Variants in RASGRF1 observed in about 807,000 individuals in gnomAD.
RASGRF1 encodes the protein ras-specific guanine nucleotide-releasing factor 1.
Under a neutral mutation model 138.7 loss-of-function variants are expected in RASGRF1, and 40 were observed. The observed-to-expected ratio is 0.29, with a 90% CI of 0.22 to 0.38. The LOEUF (loss-of-function observed/expected upper bound fraction) is 0.38, where lower values mean the gene tolerates loss of function less well. Among genes scored for constraint, RASGRF1 ranks in the 10% least tolerant of loss-of-function variants. The pLI, the probability that RASGRF1 is intolerant of heterozygous loss-of-function variation, is 1.00. For missense variants in RASGRF1, 1,108 were observed against 1,650.4 expected, an observed-to-expected ratio of 0.67 and a Z score of 5.69; for synonymous variants, 614 against 663.2, an observed-to-expected ratio of 0.93 and a Z score of 1.14.
chr15:79,044,965 C>A (rs762572230), intron 5 of RASGRF1, among the ~76,000 whole-genome samples: 2 of 151,876 alleles, frequency 1.3e-5, no homozygotes, highest in Non-Finnish European at 2.9e-5. Context: ...AATAAAATTA[C>A]GAAAAGGTAA....
In RASGRF1 at chr15:79,001,698, T is replaced by C. The variant is rs2056530610; in HGVS notation, c.2539A>G (p.Thr847Ala). 14 of 1,611,968 alleles carry C rather than the reference T, an allele frequency of 8.7e-6. No homozygotes were observed. The highest frequency in any genetic ancestry group is 1.2e-5 in the Non-Finnish European group (14 of 1,178,066). Residue 847 changes from threonine to alanine, a missense_variant, in exon 16 of 27, where the codon ACA (threonine) becomes GCA (alanine). Thr to Ala is a moderately conservative substitution (Grantham distance 58). This residue lies in a region of RASGRF1 where 686 missense variants were observed against 976.7 expected (regional missense o/e 0.70). Transcript: ENST00000558480. Reference protein sequence around the residue: ...DTETSPTKSPTTPKSVKNKNS... With the variant: ...DTETSPTKSPATPKSVKNKNS... ...TTGTTTTTGACTGATTTGGGTGTTG[T>C]TGGAGATTTAGTTGGTGATGTTTCA...
At chr15:79,018,845 G>C (rs2056917942) in intron 11 of RASGRF1, among the ~76,000 whole-genome samples, 1 of 152,150 alleles carries the variant, frequency 6.6e-6, no homozygotes, top group African/African-American at 2.4e-5. Context: ...GCCTAGGAGG[G>C]TAAAGAGTTT....
intron 6 of RASGRF1, among the ~76,000 whole-genome samples, chr15:79,033,136 T>C (rs1288269523): frequency 2.0e-5 from 3 of 152,212 alleles, no homozygotes; most frequent in Non-Finnish European, 2.9e-5. Context: ...GCTTCCTGGG[T>C]ATATACTTTG....
intron 5 of RASGRF1, among the ~76,000 whole-genome samples, chr15:79,044,755 C>T (rs1339969006): frequency 6.6e-6 from 1 of 152,128 alleles, no homozygotes; most frequent in Non-Finnish European, 1.5e-5. Context: ...AGGCAAAATC[C>T]CCCTTTCCTC....
intron 2 of RASGRF1, among the ~76,000 whole-genome samples, chr15:79,059,454 A>AT (rs961263323): frequency 1.5e-5 from 2 of 132,916 alleles, no homozygotes; most frequent in African/African-American, 2.8e-5. Flanking sequence ...CTATCCTTCT[A>AT]TCCCCCCTCG....
intron 23 of RASGRF1, 62 bp from the exon 24 acceptor site, chr15:78,980,761 G>C: frequency 1.5e-6 from 2 of 1,296,100 alleles, no homozygotes; most frequent in Non-Finnish European, 2.2e-6. Context: ...GAGGCCCGGG[G>C]ATCAGGCCCA....
rs116460774 is a variant in RASGRF1, at chr15:79,031,498, G to A, written c.1164C>T (p.Tyr388=). ...CCAGGAGCTCATGGAGGGTCAGGAT[G>A]TACCTGGGGATCTGCGGGCAGGTGG... is the stretch of plus-strand genomic sequence containing the variant. ...LTYPMFQIPR[Y]ILTLHELLAH... is the part of the protein sequence containing the mutation. The change falls in exon 8 of 27, where the codon TAC becomes TAT. Residue 388 remains tyrosine (Y), a synonymous_variant. Coordinates refer to ENST00000558480, the MANE Select transcript of RASGRF1 (RefSeq NM_001145648.3). 194 of 1,612,516 alleles carry A rather than the reference G, an allele frequency of 1.2e-4. 1 individual carries two copies. The African/African-American group carries it at 2.2e-3, about 19-fold the overall frequency.
At position 78,999,818 on chromosome 15, in the gene RASGRF1, C is replaced by T; in HGVS notation, c.2671G>A (p.Ala891Thr). The T allele has an allele frequency of 6.2e-7, 1 of 1,614,170 alleles. No individual in the cohort carries two copies. Among genetic ancestry groups the T allele is most frequent in the Admixed American group, 1.7e-5 (1 of 60,030 alleles). ...RSALSAASAF[A>T]IATAGANEGT... is the part of the protein sequence containing the mutation. ...TCGTTGGCCCCGGCGGTTGCTATGG[C>T]AAAGGCAGAGGCGGCCGACAAGGCA... Residue 891 changes from alanine (A) to threonine (T), a missense_variant, in exon 17 of 27, where the codon GCC becomes ACC. This residue lies in a region of RASGRF1 where 686 missense variants were observed against 976.7 expected (regional missense o/e 0.70). Coordinates refer to ENST00000558480, the MANE Select transcript of RASGRF1 (RefSeq NM_001145648.3).
At chr15:79,069,945 C>A (rs1219524869) in intron 1 of RASGRF1, among the ~76,000 whole-genome samples, 1 of 152,178 alleles carries the variant, frequency 6.6e-6, no homozygotes, top group Non-Finnish European at 1.5e-5. Flanking sequence ...CCTTATGAGG[C>A]TCTTATGCAC....
At chr15:79,080,291 C>A (rs951456870) in intron 1 of RASGRF1, among the ~76,000 whole-genome samples, 1 of 152,186 alleles carries the variant, frequency 6.6e-6, no homozygotes, top group Admixed American at 6.5e-5. Flanking sequence ...GCAGATGTGA[C>A]CAGAGATGAA....
chr15:78,991,870 T>G, intron 20 of RASGRF1, 76 bp from the exon 21 acceptor site: 1 of 1,194,994 alleles, frequency 8.4e-7, no homozygotes, highest in Non-Finnish European at 1.2e-6. Context: ...GCTGCCTCTG[T>G]GGGGGTATCT....
intron 1 of RASGRF1, among the ~76,000 whole-genome samples, chr15:79,071,503 G>A (rs1205748365): frequency 6.6e-6 from 1 of 151,592 alleles, no homozygotes; most frequent in African/African-American, 2.4e-5. Context: ...GGGACTACAG[G>A]TGTGCGCCGC....
chr15:79,052,098 C>T (rs765021709), intron 3 of RASGRF1, among the ~76,000 whole-genome samples: 2 of 152,172 alleles, frequency 1.3e-5, no homozygotes, highest in Non-Finnish European at 2.9e-5. Context: ...GGCTGGCCGA[C>T]TCCACACCTG....
At chr15:79,081,061 G>A (rs1473302032) in intron 1 of RASGRF1, among the ~76,000 whole-genome samples, 3 of 152,234 alleles carry the variant, frequency 2.0e-5, no homozygotes, top group Non-Finnish European at 2.9e-5. Flanking sequence ...TTTGTAATCT[G>A]AAAAGGTGCT....
intron 23 of RASGRF1, chr15:78,984,484 G>A: frequency 1.1e-5 from 2 of 180,910 alleles, no homozygotes; most frequent in South Asian, 2.6e-4. Context: ...AGTGAAGAGG[G>A]ATTGAGCACA....
intron 8 of RASGRF1, among the ~76,000 whole-genome samples, chr15:79,029,274 C>T (rs879331227): frequency 6.6e-6 from 1 of 152,122 alleles, no homozygotes; most frequent in Non-Finnish European, 1.5e-5. Flanking sequence ...GAGAGGGAGG[C>T]ACCTCTGGAC....
rs557560267 is a variant in RASGRF1 at position 79,007,589 on chromosome 15, C to T, written c.1827-1155G>A. ...TTAATGAGATAAGGTCTCATTTGCT[C>T]AGGCTGGAGTACAGTGCGGTGGTGT... On this transcript the variant is annotated intron_variant, in intron 13 of 26. Transcript: ENST00000558480. Among the ~76,000 whole-genome samples, 4 of 138,108 alleles carry T rather than the reference C, an allele frequency of 2.9e-5. No individual in the cohort carries two copies. In the East Asian group the frequency reaches 8.5e-4, roughly 29 times the overall value. 90.6% of individuals were successfully genotyped at this position (138,108 alleles called of 152,430 possible).
At chr15:78,999,207 G>A (rs1215183619) in intron 17 of RASGRF1, among the ~76,000 whole-genome samples, 2 of 152,154 alleles carry the variant, frequency 1.3e-5, no homozygotes, top group African/African-American at 2.4e-5. Context: ...CGGGACAGAG[G>A]TTCCCATGGG....
chr15:78,980,079 C>T (rs74024500), intron 24 of RASGRF1: 3,337 of 152,466 alleles, frequency 0.022, 140 homozygotes, highest in African/African-American at 0.076. Flanking sequence ...CTGAGGACCC[C>T]GCCGTGTGGG....
Sources: gnomAD v4.1 joint callset for allele counts (sites outside exome capture counted in the v4.1 genomes callset) on GRCh38, gnomAD v4.1.1 for gene constraint, gnomAD v4.1.1 regional missense constraint, MANE v1.5 for transcripts, NCBI Gene and HGNC (gene_info 2026-07-23, HGNC 2026-07-21) for gene names.